The following CROT variants were observed in gnomAD, a reference collection of about 807,000 sequenced individuals.
CROT encodes carnitine O-octanoyltransferase, also known as peroxisomal carnitine O-octanoyltransferase.
In CROT, 84 loss-of-function variants were observed where a neutral mutation model predicts 89.2. The ratio of observed to expected loss-of-function variants is 0.94; its 90% CI spans 0.79 to 1.13. The LOEUF (loss-of-function observed/expected upper bound fraction) is 1.13. CROT is among the 50% of genes most tolerant of loss of function. CROT has a pLI of 0.00. For missense variants in CROT, 711 were observed against 727.8 expected (o/e 0.98, Z 0.27); for synonymous variants, 212 against 239.5 (o/e 0.89, Z 1.06).
intron 2 of CROT, among the ~76,000 whole-genome samples, chr7:87,348,066 A>G (rs557949988): frequency 7.9e-5 from 12 of 152,354 alleles, no homozygotes; most frequent in Admixed American, 2.6e-4. Context: ...TCTGTAACCT[A>G]TGAGTGGAAT....
intron 2 of CROT, among the ~76,000 whole-genome samples, chr7:87,347,931 G>A (rs1805743069): frequency 6.6e-6 from 1 of 152,128 alleles, no homozygotes; most frequent in African/African-American, 2.4e-5. Flanking sequence ...CTCCAAGAGA[G>A]GGTAGGAAAG....
intron 10 of CROT, among the ~76,000 whole-genome samples, chr7:87,379,607 C>G (rs1268496837): frequency 2.0e-5 from 3 of 152,176 alleles, no homozygotes; most frequent in Non-Finnish European, 4.4e-5. Flanking sequence ...GAATATTGGG[C>G]TCATAATGAG....
intron 17 of CROT, among the ~76,000 whole-genome samples, chr7:87,396,118 G>A (rs769985087): frequency 3.3e-5 from 5 of 152,294 alleles, no homozygotes; most frequent in African/African-American, 1.2e-4. Flanking sequence ...AAAAAGTGGA[G>A]GGTGAAGGAT....
chr7:87,360,927 C>T (rs1172023371), intron 4 of CROT, among the ~76,000 whole-genome samples: 1 of 152,114 alleles, frequency 6.6e-6, no homozygotes, highest in African/African-American at 2.4e-5. Context: ...ATCACAATAA[C>T]ATTTCTCAAT....
At chr7:87,360,066 T>A in intron 4 of CROT, 2 of 976,158 alleles carry the variant, frequency 2.0e-6, no homozygotes, top group Non-Finnish European at 2.4e-6. Context: ...TCCTTTGTTC[T>A]CAATTTTGAG....
At chr7:87,398,500 T>A (rs913110374) in intron 17 of CROT, 24 bp from the exon 18 acceptor site, 1 of 1,612,352 alleles carries the variant, frequency 6.2e-7, no homozygotes, top group Non-Finnish European at 8.5e-7. Flanking sequence ...TGTGTAATCA[T>A]TAATCATTAT....
intron 13 of CROT, among the ~76,000 whole-genome samples, chr7:87,384,694 C>T (rs1807136025): frequency 2.0e-5 from 3 of 152,206 alleles, no homozygotes. Flanking sequence ...GTTTCCTCTG[C>T]AGTGCAGAAG....
intron 6 of CROT, among the ~76,000 whole-genome samples, chr7:87,362,218 T>G (rs1466535480): frequency 6.6e-6 from 1 of 152,160 alleles, no homozygotes; most frequent in Non-Finnish European, 1.5e-5. Context: ...GAGTGTTTAC[T>G]TATATGTGCT....
chr7:87,364,291 CA>C (rs1231998182), intron 6 of CROT, among the ~76,000 whole-genome samples: 3 of 152,158 alleles, frequency 2.0e-5, no homozygotes, highest in African/African-American at 4.8e-5. Context: ...TGATCCTTAT[CA>C]CAGGTTCAAT....
intron 9 of CROT, 104 bp downstream of exon 9, chr7:87,376,057 G>C: frequency 8.9e-7 from 1 of 1,129,074 alleles, no homozygotes; most frequent in Non-Finnish European, 1.2e-6. Context: ...TTAGGCTCTT[G>C]AAACTTTTTC....
At chr7:87,360,102 G>A (rs1165470583) in intron 4 of CROT, 1 of 950,382 alleles carries the variant, frequency 1.1e-6, no homozygotes. Flanking sequence ...ATTAAAGAGG[G>A]GTAAAGGTAA....
At chr7:87,398,429 G>A (rs766117136) in intron 17 of CROT, 95 bp from the exon 18 acceptor site, 11 of 1,419,798 alleles carry the variant, frequency 7.7e-6, no homozygotes, top group South Asian at 2.3e-5. Flanking sequence ...CACATTTCAT[G>A]TATGAATATC....
chr7:87,361,391 T>A lies in CROT; in HGVS notation c.242T>A (p.Leu81Gln). 6.2e-7 allele frequency: 1 copy of A among 1,612,324 alleles called. No homozygotes were observed. The highest frequency in any genetic ancestry group is 8.5e-7 in the Non-Finnish European group (1 of 1,179,526). ...GCTGATGTTCTCAATTTCTTTTAGC[T>A]GGAAGAGTGGTGGCTGAATGTTGCC... The part of the protein sequence containing the change: ...LERAKGKRNW[L>Q]EEWWLNVAYL... The change falls in exon 5 of 18, where the codon CTG (leucine) becomes CAG (glutamine). Residue 81 changes from leucine to glutamine, a missense_variant and splice_region_variant. Leu to Gln is a moderately radical substitution (Grantham distance 113). Transcript: ENST00000331536.
intron 3 of CROT, among the ~76,000 whole-genome samples, chr7:87,350,021 G>T (rs1475023455): frequency 6.6e-6 from 1 of 152,092 alleles, no homozygotes; most frequent in Admixed American, 6.5e-5. Flanking sequence ...TGAAACAGCT[G>T]CTAAACTATT....
intron 3 of CROT, among the ~76,000 whole-genome samples, chr7:87,355,535 T>C (rs1806036835): frequency 6.6e-6 from 1 of 152,202 alleles, no homozygotes; most frequent in Non-Finnish European, 1.5e-5. Flanking sequence ...ACTTGGAGAA[T>C]GTTCACTTCC....
At chr7:87,362,307 T>TC (rs1397531701) in intron 6 of CROT, among the ~76,000 whole-genome samples, 1 of 131,808 alleles carries the variant, frequency 7.6e-6, no homozygotes, top group Non-Finnish European at 1.7e-5. Context: ...ACTCTTCCTT[T>TC]TTTTTTTTTT....
intron 13 of CROT, among the ~76,000 whole-genome samples, 164 bp downstream of exon 13, chr7:87,382,707 G>C (rs778594469): frequency 2.0e-5 from 3 of 152,138 alleles, no homozygotes; most frequent in Non-Finnish European, 4.4e-5. Context: ...TTTCTGATCT[G>C]TGGTGGTTTC....
chr7:87,369,838 G>T lies in CROT; in HGVS notation c.656+354G>T, dbSNP rs1045693362. 4 of 148,396 alleles carry T rather than the reference G, an allele frequency of 2.7e-5. No individual in the cohort carries two copies. The South Asian group carries it at 8.4e-4, about 31-fold the overall frequency. The allele number at this position is 148,396 out of a possible 1,614,324, so 9.2% of individuals were successfully genotyped here. On this transcript the variant is annotated intron_variant, in intron 7 of 17. Coordinates refer to ENST00000331536, the MANE Select transcript of CROT (RefSeq NM_021151.4). ...AAAAAATATATATAATATATAATAT[G>T]TATTATATATGTATATACATATATA...
chr7:87,351,639 C>A (rs953394442), intron 3 of CROT, among the ~76,000 whole-genome samples: 1 of 152,166 alleles, frequency 6.6e-6, no homozygotes, highest in African/African-American at 2.4e-5. Context: ...TATTGGCTCA[C>A]AAGAGTGTGC....
Sources: allele counts gnomAD v4.1 joint callset (sites outside exome capture counted in the v4.1 genomes callset), GRCh38; gene constraint gnomAD v4.1.1; transcripts MANE v1.5; gene names NCBI Gene and HGNC (gene_info 2026-07-23, HGNC 2026-07-21).